Variants in GRIK2 observed in about 807,000 individuals in gnomAD.
GRIK2 encodes the protein glutamate ionotropic receptor kainate type subunit 2, also known as glutamate receptor ionotropic, kainate 2.
In GRIK2, 32 loss-of-function variants were observed where a neutral mutation model predicts 100.3. The observed-to-expected ratio is 0.32, with a 90% confidence interval of 0.24 to 0.43. The LOEUF (loss-of-function observed/expected upper bound fraction) is 0.43. Ranked by LOEUF, GRIK2 falls within the 20% of genes least tolerant of loss-of-function variation. GRIK2 has a pLI of 1.00. For synonymous variants in GRIK2, 417 were observed against 389.4 expected (o/e 1.07, Z -0.83); for missense variants, 843 against 1,114.9 (o/e 0.76, Z 3.47).
chr6:101,695,728 GCACTTAATA>G (rs1772438481), intron 7 of GRIK2, among the ~76,000 whole-genome samples: 1 of 151,962 alleles, frequency 6.6e-6, no homozygotes, highest in Non-Finnish European at 1.5e-5. Context: ...AGTCAGAAAT[GCACTTAATA>G]CACCTAACCT....
intron 7 of GRIK2, among the ~76,000 whole-genome samples, chr6:101,700,902 G>T (rs1188346983): frequency 6.6e-6 from 1 of 152,120 alleles, no homozygotes; most frequent in African/African-American, 2.4e-5. Context: ...TTTGAGATAG[G>T]GAAGGATAGT....
At chr6:102,065,998 A>G in intron 16 of GRIK2, 1 of 790,904 alleles carries the variant, frequency 1.3e-6, no homozygotes, top group Non-Finnish European at 1.8e-6. Context: ...ATCCTTTAAT[A>G]GAAATATAAT....
intron 7 of GRIK2, among the ~76,000 whole-genome samples, chr6:101,742,148 A>G (rs1469000655): frequency 6.6e-6 from 1 of 152,222 alleles, no homozygotes; most frequent in African/African-American, 2.4e-5. Context: ...AAGCAAATGT[A>G]TATCTTTTTA....
Position 101,533,268 on chromosome 6 carries a change from T to A in GRIK2, c.116-88681T>A, listed in dbSNP as rs548823427. Among the ~76,000 whole-genome samples, 3 of 151,996 alleles carry A rather than the reference T, an allele frequency of 2.0e-5. No individual in the cohort carries two copies. In the South Asian group the frequency reaches 6.2e-4, roughly 31 times the overall value. On this transcript the variant is annotated intron_variant, in intron 2 of 16. Coordinates refer to ENST00000369134, the MANE Select transcript of GRIK2 (RefSeq NM_021956.5). The stretch of plus-strand genomic sequence containing the variant: ...GCCCTTTGGGAAGTGATGCTTTAGT[T>A]GGATTAAGTTTACCTGACTACAAGA...
At chr6:101,672,223 C>G (rs939059902) in intron 4 of GRIK2, among the ~76,000 whole-genome samples, 1 of 152,160 alleles carries the variant, frequency 6.6e-6, no homozygotes, top group African/African-American at 2.4e-5. Flanking sequence ...CAGCAATGAT[C>G]TTGTTAAATT....
At chr6:101,911,355 A>G (rs1258501124) in intron 12 of GRIK2, among the ~76,000 whole-genome samples, 1 of 151,600 alleles carries the variant, frequency 6.6e-6, no homozygotes, top group African/African-American at 2.4e-5. Context: ...ACATTTCATC[A>G]ATAGATTCTT....
chr6:101,504,289 G>T (rs960173315), intron 2 of GRIK2, among the ~76,000 whole-genome samples: 2 of 152,014 alleles, frequency 1.3e-5, no homozygotes, highest in Non-Finnish European at 2.9e-5. Flanking sequence ...CAAGTATCAG[G>T]ATATGAATCA....
At chr6:101,566,017 C>T (rs1777254380) in intron 2 of GRIK2, among the ~76,000 whole-genome samples, 1 of 146,242 alleles carries the variant, frequency 6.8e-6, no homozygotes, top group Non-Finnish European at 1.5e-5. Flanking sequence ...AATATATTTA[C>T]TATTTAAGTA....
intron 7 of GRIK2, among the ~76,000 whole-genome samples, chr6:101,703,520 G>C (rs1365784573): frequency 6.6e-6 from 1 of 151,738 alleles, no homozygotes; most frequent in Non-Finnish European, 1.5e-5. Context: ...TGGAATGTTG[G>C]GGACAAAAGC....
chr6:101,668,786 G>T (rs1770216143), intron 4 of GRIK2, among the ~76,000 whole-genome samples: 1 of 152,134 alleles, frequency 6.6e-6, no homozygotes, highest in South Asian at 2.1e-4. Flanking sequence ...CCTTCCTGGG[G>T]ATAGGGTAGT....
rs1322419631 is a variant in GRIK2 at position 101,922,117 on chromosome 6, TTCCTTCCTTCCTTCCTTCCTTCCC to T, written c.1749-2480_1749-2457del. Among the ~76,000 whole-genome samples, 140 of 15,040 alleles carry T rather than the reference TTCCTTCCTTCCTTCCTTCCTTCCC, an allele frequency of 9.3e-3. 2 individuals are homozygous for T. The highest frequency in any genetic ancestry group is 0.03 in the African/African-American group (100 of 3,384). 9.9% of individuals were successfully genotyped at this position (15,040 alleles called of 152,430 possible). The stretch of plus-strand genomic sequence containing the variant: ...CTTCCTTCCTTCCTTCCTTCCTTCC[TTCCTTCCTTCCTTCCTTCCTTCCC>T]TCCCTTCCTCCCTCACTCCTTCCTT... On this transcript the variant is annotated intron_variant, in intron 12 of 16. Transcript: ENST00000369134.
intron 16 of GRIK2, among the ~76,000 whole-genome samples, chr6:102,062,686 G>A (rs573554905): frequency 4.0e-5 from 6 of 150,284 alleles, no homozygotes; most frequent in Admixed American, 2.0e-4. Context: ...ATCTTTCATT[G>A]CTTCACTGTT....
At chr6:101,429,450 T>G (rs529172339) in intron 2 of GRIK2, among the ~76,000 whole-genome samples, 2 of 152,294 alleles carry the variant, frequency 1.3e-5, no homozygotes, top group Admixed American at 6.5e-5. Flanking sequence ...GTCAGAATGA[T>G]AGCATAAGGG....
chr6:101,501,566 A>T (rs551591917), intron 2 of GRIK2, among the ~76,000 whole-genome samples: 12 of 152,268 alleles, frequency 7.9e-5, no homozygotes, highest in Non-Finnish European at 1.5e-4. Context: ...TTTACATTCA[A>T]ATTGACAAGT....
intron 2 of GRIK2, among the ~76,000 whole-genome samples, chr6:101,601,583 G>A (rs2128310251): frequency 6.6e-6 from 1 of 151,778 alleles, no homozygotes; most frequent in South Asian, 2.1e-4. Flanking sequence ...TAGATTTGTA[G>A]TTTTTGTTAC....
intron 2 of GRIK2, among the ~76,000 whole-genome samples, chr6:101,579,355 T>C (rs983560116): frequency 6.6e-6 from 1 of 152,174 alleles, no homozygotes; most frequent in African/African-American, 2.4e-5. Flanking sequence ...GTCAGGAAGA[T>C]TGCTTCCAAA....
intron 10 of GRIK2, among the ~76,000 whole-genome samples, chr6:101,835,716 C>T (rs1242354511): frequency 6.8e-6 from 1 of 147,624 alleles, no homozygotes; most frequent in Non-Finnish European, 1.5e-5. Context: ...CCACCCGCCT[C>T]GGCCTCCCAA....
intron 2 of GRIK2, among the ~76,000 whole-genome samples, chr6:101,579,885 C>G (rs1010569205): frequency 6.6e-6 from 1 of 151,694 alleles, no homozygotes; most frequent in South Asian, 2.1e-4. Flanking sequence ...CATTTGATAC[C>G]CTTTCTTCTG....
chr6:101,892,625 T>C (rs1787181526), intron 12 of GRIK2, among the ~76,000 whole-genome samples: 1 of 152,008 alleles, frequency 6.6e-6, no homozygotes, highest in Non-Finnish European at 1.5e-5. Flanking sequence ...TTCAGCTTCT[T>C]ATTCCACAAT....
Sources: gnomAD v4.1 joint callset for allele counts (sites outside exome capture counted in the v4.1 genomes callset) on GRCh38, gnomAD v4.1.1 for gene constraint, MANE v1.5 for transcripts, NCBI Gene and HGNC (gene_info 2026-07-23, HGNC 2026-07-21) for gene names.